BNC2: variants seen among roughly 807,000 people sequenced by gnomAD.
BNC2 encodes the protein basonuclin zinc finger protein 2.
Under a neutral mutation model 76.3 loss-of-function variants are expected in BNC2, and 20 were observed. The observed-to-expected ratio is 0.26, with a 90% CI of 0.18 to 0.38. The LOEUF is 0.38. Among genes scored for constraint, BNC2 ranks in the 10% least tolerant of loss-of-function variants. The pLI, the probability that BNC2 is intolerant of heterozygous loss-of-function variation, is 1.00. For missense variants in BNC2, 1,382 were observed against 1,399.8 expected (o/e 0.99, Z 0.20); for synonymous variants, 582 against 514.8 (o/e 1.13, Z -1.77).
chr9:16,599,471 T>C (rs1448934617), intron 3 of BNC2, among the ~76,000 whole-genome samples: 1 of 152,120 alleles, frequency 6.6e-6, no homozygotes, highest in East Asian at 1.9e-4. Context: ...TCCCTCAACT[T>C]GTCTTTAAGT....
At chr9:16,810,770 T>C (rs1338273807) in intron 1 of BNC2, among the ~76,000 whole-genome samples, 2 of 152,234 alleles carry the variant, frequency 1.3e-5, no homozygotes, top group Admixed American at 6.5e-5. Flanking sequence ...GCTAGCCAGA[T>C]ACCCTACCTC....
At chr9:16,858,109 T>C (rs1285642845) in intron 1 of BNC2, among the ~76,000 whole-genome samples, 2 of 152,332 alleles carry the variant, frequency 1.3e-5, no homozygotes, top group African/African-American at 2.4e-5. Context: ...TTTTTAGTTT[T>C]ATCTCTGTTG....
At chr9:16,768,692 G>C (rs1018178621) in intron 1 of BNC2, among the ~76,000 whole-genome samples, 5 of 152,064 alleles carry the variant, frequency 3.3e-5, no homozygotes, top group African/African-American at 7.2e-5. Flanking sequence ...AGACAGAGAA[G>C]TGGTCCCTAC....
At chr9:16,539,827 AGGAAGGGAAGGGAAGGGAAG>A (rs1563831116) in intron 5 of BNC2, among the ~76,000 whole-genome samples, 28 of 119,892 alleles carry the variant, frequency 2.3e-4, no homozygotes, top group African/African-American at 8.6e-4. Context: ...AGGAAAGGAA[AGGAAGGGAAGGGAAGGGAAG>A]GGAAAGGAAA....
intron 6 of BNC2, chr9:16,434,882 G>C (rs1340165707): frequency 2.2e-6 from 1 of 461,348 alleles, no homozygotes; most frequent in Non-Finnish European, 4.4e-6. Context: ...AAGACATTAT[G>C]AAGTTAAGAT....
intron 5 of BNC2, chr9:16,476,075 GT>G (rs1478503700): frequency 6.6e-6 from 1 of 152,158 alleles, no homozygotes; most frequent in East Asian, 1.9e-4. Flanking sequence ...AGAACGAGGA[GT>G]TTTGCTTTAT....
intron 3 of BNC2, among the ~76,000 whole-genome samples, chr9:16,628,273 C>T (rs957794887): frequency 6.6e-6 from 1 of 152,172 alleles, no homozygotes; most frequent in African/African-American, 2.4e-5. Flanking sequence ...CTTCTCAGGG[C>T]GGCTTTGTCT....
chr9:16,813,507 C>G (rs1416454371), intron 1 of BNC2, among the ~76,000 whole-genome samples: 1 of 151,974 alleles, frequency 6.6e-6, no homozygotes, highest in African/African-American at 2.4e-5. Context: ...CCTCATGATC[C>G]GCCCACCTCA....
At chr9:16,662,924 T>A (rs1057179711) in intron 3 of BNC2, among the ~76,000 whole-genome samples, 1 of 152,124 alleles carries the variant, frequency 6.6e-6, no homozygotes, top group East Asian at 1.9e-4. Context: ...TTACCTGCAG[T>A]AAGTGCCTTA....
chr9:16,551,244 T>C (rs1030054645), intron 5 of BNC2, among the ~76,000 whole-genome samples: 1 of 152,346 alleles, frequency 6.6e-6, no homozygotes, highest in African/African-American at 2.4e-5. Context: ...AATTAAGACG[T>C]CATTCTATTC....
At chr9:16,868,984 C>T (rs192693883) in intron 1 of BNC2, among the ~76,000 whole-genome samples, 2 of 152,298 alleles carry the variant, frequency 1.3e-5, no homozygotes, top group Admixed American at 1.3e-4. Flanking sequence ...GGAAGGCAGA[C>T]AGGCTTAGCC....
chr9:16,681,529 G>A (rs978622614), intron 3 of BNC2, among the ~76,000 whole-genome samples: 1 of 152,058 alleles, frequency 6.6e-6, no homozygotes, highest in African/African-American at 2.4e-5. Context: ...GAGAACTGCA[G>A]GAAACTTTCT....
chr9:16,679,299 A>C (rs1822752815), intron 3 of BNC2, among the ~76,000 whole-genome samples: 1 of 152,210 alleles, frequency 6.6e-6, no homozygotes, highest in Non-Finnish European at 1.5e-5. Flanking sequence ...TAATATAAAA[A>C]TTCATTAAAT....
chr9:16,434,054 A>T (rs1820955338), intron 6 of BNC2, among the ~76,000 whole-genome samples: 1 of 152,180 alleles, frequency 6.6e-6, no homozygotes, highest in Non-Finnish European at 1.5e-5. Context: ...TTGGAACTGA[A>T]ATAACGTTGT....
chr9:16,452,969 A>T (rs942636443), intron 5 of BNC2, among the ~76,000 whole-genome samples: 2 of 152,162 alleles, frequency 1.3e-5, no homozygotes, highest in African/African-American at 4.8e-5. Flanking sequence ...TTCTGAAAAC[A>T]AAACAAAACT....
chr9:16,848,527 C>T (rs1819046513), intron 1 of BNC2, among the ~76,000 whole-genome samples: 1 of 152,200 alleles, frequency 6.6e-6, no homozygotes, highest in Admixed American at 6.5e-5. Context: ...GAAGACAGCA[C>T]AAACAGTCCC....
chr9:16,740,748 GA>G (rs1245197721), intron 1 of BNC2, among the ~76,000 whole-genome samples: 1 of 152,104 alleles, frequency 6.6e-6, no homozygotes, highest in African/African-American at 2.4e-5. Flanking sequence ...AGCCAAGAGA[GA>G]AAACGATATT....
chr9:16,848,075 A>G (rs912386260), intron 1 of BNC2, among the ~76,000 whole-genome samples: 2 of 152,238 alleles, frequency 1.3e-5, no homozygotes, highest in African/African-American at 4.8e-5. Flanking sequence ...AACTCTTAAG[A>G]TATTCTAATT....
At chr9:16,710,695 A>AT (rs1823811663) in intron 3 of BNC2, among the ~76,000 whole-genome samples, 2 of 152,078 alleles carry the variant, frequency 1.3e-5, no homozygotes, top group African/African-American at 4.8e-5. Context: ...CCACCCCCAC[A>AT]TAAACTATCT....
Sources: gnomAD v4.1 joint callset for allele counts (sites outside exome capture counted in the v4.1 genomes callset) on GRCh38, gnomAD v4.1.1 for gene constraint, MANE v1.5 for transcripts, NCBI Gene and HGNC (gene_info 2026-07-23, HGNC 2026-07-21) for gene names.